FAM135B: variants seen among roughly 807,000 people sequenced by gnomAD.
The protein encoded by FAM135B is protein FAM135B.
FAM135B carries 43 observed loss-of-function variants against 127.7 expected under a neutral mutation model. The observed-to-expected ratio is 0.34, with a 90% confidence interval of 0.26 to 0.43. The LOEUF is 0.43. FAM135B is among the 20% of genes least tolerant of loss of function. The pLI is 1.00. For missense variants in FAM135B, 1,558 were observed against 1,725.6 expected, an observed-to-expected ratio of 0.90 and a Z score of 1.72; for synonymous variants, 670 against 665.1, an observed-to-expected ratio of 1.01 and a Z score of -0.11.
chr8:138,295,102 C>CTTT lies in FAM135B; in HGVS notation c.157+15736_157+15738dup, dbSNP rs527258472. On this transcript the variant is annotated intron_variant, in intron 3 of 19. Coordinates refer to ENST00000395297, the MANE Select transcript of FAM135B (RefSeq NM_015912.4). The stretch of plus-strand genomic sequence containing the variant: ...AATGTCAATACCACCCTTGCTGGTG[C>CTTT]TTTTTTTTTTTTTTTTTTTTTTTTT... Among the ~76,000 whole-genome samples the CTTT allele has an allele frequency of 4.9e-5, 4 of 82,216 alleles. 1 individual carries two copies. The highest frequency in any genetic ancestry group is 1.0e-3 in the East Asian group (2 of 1,966). 53.9% of individuals were successfully genotyped at this position (82,216 alleles called of 152,430 possible).
At chr8:138,233,712 A>C (rs546878772) in intron 7 of FAM135B, among the ~76,000 whole-genome samples, 61 of 152,318 alleles carry the variant, frequency 4.0e-4, no homozygotes, top group African/African-American at 1.4e-3. Context: ...GGAAACAATC[A>C]ACAGAGTGAA....
At chr8:138,445,603 AC>A (rs1197554655) in intron 1 of FAM135B, among the ~76,000 whole-genome samples, 6 of 152,056 alleles carry the variant, frequency 3.9e-5, no homozygotes, top group South Asian at 4.2e-4. Flanking sequence ...AAATTCAACA[AC>A]CCTTCATGCT....
At chr8:138,171,901 C>T (rs1345405043) in intron 11 of FAM135B, among the ~76,000 whole-genome samples, 2 of 152,090 alleles carry the variant, frequency 1.3e-5, no homozygotes, top group African/African-American at 2.4e-5. Flanking sequence ...TGCAAGTGCA[C>T]ATGTGTTTAC....
At chr8:138,280,622 G>A (rs72723682) in intron 3 of FAM135B, among the ~76,000 whole-genome samples, 2,356 of 152,278 alleles carry the variant, frequency 0.015, 28 homozygotes, top group Non-Finnish European at 0.026. Flanking sequence ...CATCCCAGCA[G>A]CCACAGAACT....
At chr8:138,354,316 C>G (rs1381335805) in intron 2 of FAM135B, among the ~76,000 whole-genome samples, 2 of 152,046 alleles carry the variant, frequency 1.3e-5, no homozygotes, top group Admixed American at 1.3e-4. Context: ...CTATCAAAAA[C>G]AAAACAAAAC....
intron 19 of FAM135B, among the ~76,000 whole-genome samples, chr8:138,134,007 T>C (rs1223644083): frequency 3.9e-5 from 6 of 152,194 alleles, no homozygotes; most frequent in African/African-American, 7.2e-5. Context: ...TTAAAACAAA[T>C]GGTATGGTCA....
intron 2 of FAM135B, among the ~76,000 whole-genome samples, chr8:138,332,726 G>T (rs1348456054): frequency 6.6e-6 from 1 of 152,064 alleles, no homozygotes; most frequent in Non-Finnish European, 1.5e-5. Flanking sequence ...GGATTTAGGG[G>T]CCTACGCAAC....
At chr8:138,195,204 G>T in intron 9 of FAM135B, 54 bp downstream of exon 9, 1 of 1,559,032 alleles carries the variant, frequency 6.4e-7, no homozygotes, top group Non-Finnish European at 8.8e-7. Flanking sequence ...AACTGCATTT[G>T]CCTTGCAAAA....
chr8:138,431,272 T>C (rs1835175115), intron 1 of FAM135B, among the ~76,000 whole-genome samples: 1 of 152,228 alleles, frequency 6.6e-6, no homozygotes, highest in African/African-American at 2.4e-5. Context: ...CCTGCCATCT[T>C]GGGACTTGTA....
intron 1 of FAM135B, among the ~76,000 whole-genome samples, chr8:138,479,843 G>C (rs765263444): frequency 1.4e-4 from 22 of 152,080 alleles, no homozygotes; most frequent in Admixed American, 1.3e-4. Context: ...AAATTACATA[G>C]AGCTCTAACA....
chr8:138,249,138 G>A (rs890950832), intron 6 of FAM135B, among the ~76,000 whole-genome samples: 6 of 152,138 alleles, frequency 3.9e-5, no homozygotes, highest in Admixed American at 1.3e-4. Context: ...GCCTCACCTC[G>A]CAGAGGGCAG....
intron 1 of FAM135B, among the ~76,000 whole-genome samples, chr8:138,412,811 A>G (rs1833935506): frequency 6.6e-6 from 1 of 152,168 alleles, no homozygotes; most frequent in Non-Finnish European, 1.5e-5. Context: ...AGTATGCAAC[A>G]ATACCTACAG....
intron 1 of FAM135B, among the ~76,000 whole-genome samples, chr8:138,402,718 T>TACTACACTAC (rs1356727156): frequency 6.6e-6 from 1 of 152,234 alleles, no homozygotes; most frequent in Non-Finnish European, 1.5e-5. Flanking sequence ...TCAGTCACTA[T>TACTACACTAC]ACTACACTAC....
In FAM135B at chr8:138,242,967, C is replaced by T. The variant is rs2130382622; in HGVS notation, c.644G>A (p.Gly215Glu). Residue 215 changes from glycine to glutamate, a missense_variant, in exon 7 of 20, where the codon GGG (glycine) becomes GAG (glutamate). By Grantham distance (98) the Gly-to-Glu change is moderately conservative (BLOSUM62 -2). Around this residue, in one of 5 missense-constraint regions of FAM135B, gnomAD observed 127 missense variants for 109.7 expected, o/e 1.16. Transcript: ENST00000395297. The surrounding 1 kb of genome is among the most constrained non-coding windows in gnomAD (Gnocchi z 9.6). ...ISLENLVFGA[G>E]YCKPTSSEGS... is the part of the protein sequence containing the mutation. ...CTCTGAGGAAGTCGGCTTGCAGTAC[C>T]CAGCTCCAAAGACCAAGTTTTCCAG... The T allele has an allele frequency of 1.2e-6, 2 of 1,613,826 alleles. No homozygotes were observed. Among genetic ancestry groups the T allele is most frequent in the Non-Finnish European group, 1.7e-6 (2 of 1,179,866 alleles).
chr8:138,165,246 G>A (rs963360030), intron 12 of FAM135B, among the ~76,000 whole-genome samples: 2 of 151,194 alleles, frequency 1.3e-5, no homozygotes, highest in Non-Finnish European at 2.9e-5. Context: ...TCAGCCTCCC[G>A]AGTAGCTGGG....
At position 138,408,261 on chromosome 8, in the gene FAM135B, A is replaced by T. The variant is rs139901874; in HGVS notation, c.-19-40259T>A. ...ATAAGGCTGTTTATATCTACACTGA[A>T]AATCTGTTCCTTAGGGTAGCCACCT... On this transcript the variant is annotated intron_variant, in intron 1 of 19. Coordinates refer to ENST00000395297, the MANE Select transcript of FAM135B (RefSeq NM_015912.4). Among the ~76,000 whole-genome samples the T allele has an allele frequency of 4.6e-5, 7 of 152,276 alleles. No homozygotes were observed. In the East Asian group the frequency reaches 1.4e-3, roughly 29 times the overall value.
At chr8:138,146,378 T>C (rs1476831987) in intron 14 of FAM135B, among the ~76,000 whole-genome samples, 4 of 152,102 alleles carry the variant, frequency 2.6e-5, no homozygotes, top group Non-Finnish European at 5.9e-5. Context: ...CAAATTCCAT[T>C]TTGCAAGCAG....
intron 11 of FAM135B, among the ~76,000 whole-genome samples, chr8:138,173,127 T>C (rs981853713): frequency 1.3e-5 from 2 of 150,384 alleles, no homozygotes; most frequent in Admixed American, 6.6e-5. Flanking sequence ...AATCCCTGGA[T>C]TTTATTTGGG....
At chr8:138,146,900 A>G (rs1258706703) in intron 14 of FAM135B, among the ~76,000 whole-genome samples, 1 of 152,190 alleles carries the variant, frequency 6.6e-6, no homozygotes, top group African/African-American at 2.4e-5. Context: ...TATACCCCAC[A>G]GGTCATAGTT....
Sources: allele counts gnomAD v4.1 joint callset (sites outside exome capture counted in the v4.1 genomes callset), GRCh38; gene constraint gnomAD v4.1.1; regional missense constraint gnomAD v4.1.1; non-coding constraint Gnocchi (gnomAD v3.1); transcripts MANE v1.5; gene names NCBI Gene and HGNC (gene_info 2026-07-23, HGNC 2026-07-21).